Variants in ASRGL1 observed in about 807,000 individuals in gnomAD.
ASRGL1 encodes isoaspartyl peptidase/L-asparaginase.
In ASRGL1, 16 loss-of-function variants were observed where a neutral mutation model predicts 22.4. That is an observed-to-expected ratio of 0.71 (90% CI 0.48 to 1.08). ASRGL1 has a LOEUF of 1.08. ASRGL1 is among the 50% of genes least tolerant of loss of function. The pLI is 0.00. For synonymous variants in ASRGL1, 165 were observed against 159.3 expected (o/e 1.04, Z -0.27); for missense variants, 412 against 410.1 (o/e 1.00, Z -0.04).
intron 4 of ASRGL1, among the ~76,000 whole-genome samples, chr11:62,373,356 T>C (rs1157460989): frequency 6.6e-6 from 1 of 152,160 alleles, no homozygotes; most frequent in African/African-American, 2.4e-5. Flanking sequence ...TTTTTTTCTG[T>C]TTGCTTTCCA....
intron 2 of ASRGL1, among the ~76,000 whole-genome samples, chr11:62,349,409 T>TA: frequency 6.6e-6 from 1 of 152,206 alleles, no homozygotes; most frequent in Admixed American, 6.5e-5. Flanking sequence ...GATGGGGTGG[T>TA]ATGTTAGCTC....
At chr11:62,397,279 C>T (rs187078431), downstream of ASRGL1, among the ~76,000 whole-genome samples, 18 of 152,220 alleles carry the variant, frequency 1.2e-4, no homozygotes, top group East Asian at 1.9e-4. Context: ...CCTCCCACCT[C>T]GGCCTCCCAA....
At chr11:62,361,440 T>A (rs1010552991) in intron 4 of ASRGL1, among the ~76,000 whole-genome samples, 9 of 151,262 alleles carry the variant, frequency 5.9e-5, no homozygotes, top group Non-Finnish European at 1.5e-5. Flanking sequence ...CCCTCCTGCT[T>A]GGCCTTCCAA....
At position 62,392,238 on chromosome 11, in the gene ASRGL1, A is replaced by C; in HGVS notation, c.881A>C (p.His294Pro). The C allele has an allele frequency of 6.2e-7, 1 of 1,614,192 alleles. No homozygotes were observed. Among genetic ancestry groups the C allele is most frequent in the Non-Finnish European group, 8.5e-7 (1 of 1,180,044 alleles). The change falls in exon 7 of 7, where the codon CAC becomes CCC. Residue 294 changes from histidine to proline, a missense_variant. His to Pro is a moderately conservative substitution (Grantham distance 77, BLOSUM62 -2). Transcript: ENST00000415229. ...PWAAAKDGKL[H>P]FGIDPDDTTI... ...GCAGCCGCCAAGGACGGCAAGCTGC[A>C]CTTCGGAATTGATCCTGACGATACT...
At chr11:62,362,976 T>C (rs1946519377) in intron 4 of ASRGL1, among the ~76,000 whole-genome samples, 1 of 119,104 alleles carries the variant, frequency 8.4e-6, no homozygotes. Context: ...TGGAGTGCAG[T>C]AGCACAATCT....
chr11:62,381,203 G>A (rs1478880361), intron 4 of ASRGL1, among the ~76,000 whole-genome samples: 1 of 152,182 alleles, frequency 6.6e-6, no homozygotes. Context: ...CTGCATTTGA[G>A]GTTGTAATGT....
chr11:62,386,481 C>CATATCATACATATCATAGATATGTAT (rs1947212569), intron 4 of ASRGL1, among the ~76,000 whole-genome samples: 1 of 149,078 alleles, frequency 6.7e-6, no homozygotes, highest in Non-Finnish European at 1.5e-5. Flanking sequence ...TAGATATGTA[C>CATATCATACATATCATAGATATGTAT]ATATATATGT....
chr11:62,372,625 ACCACATGCTGGT>A (rs1406798844), intron 4 of ASRGL1: 17 of 895,044 alleles, frequency 1.9e-5, no homozygotes, highest in Non-Finnish European at 3.8e-6. Context: ...TGTGGCGCTA[ACCACATGCTGGT>A]CCTGGACTCC....
At chr11:62,372,272 C>T (rs1946793898) in intron 4 of ASRGL1, 2 of 1,599,624 alleles carry the variant, frequency 1.3e-6, no homozygotes, top group South Asian at 1.1e-5. Context: ...CGGAAACGGG[C>T]TCCGTGTTTG....
chr11:62,395,714 A>T (rs531370365), downstream of ASRGL1, among the ~76,000 whole-genome samples: 3 of 141,452 alleles, frequency 2.1e-5, no homozygotes, highest in Non-Finnish European at 3.0e-5. Flanking sequence ...ATCAGCCTTC[A>T]TCTTTGCACA....
At chr11:62,369,508 C>T (rs1565166425) in intron 4 of ASRGL1, among the ~76,000 whole-genome samples, 1 of 152,056 alleles carries the variant, frequency 6.6e-6, no homozygotes, top group Non-Finnish European at 1.5e-5. Flanking sequence ...TCTTGACGGT[C>T]GCTGTCTCTT....
rs1379110074 is a variant in ASRGL1 at position 62,392,199 on chromosome 11, C to T, written c.842C>T (p.Thr281Ile). 1 of 1,614,126 alleles carries T rather than the reference C, an allele frequency of 6.2e-7. No homozygotes were observed. The highest frequency in any genetic ancestry group is 8.5e-7 in the Non-Finnish European group (1 of 1,180,050). ...TGDWVAKWTS[T>I]SMPWAAAKDG... The stretch of plus-strand genomic sequence containing the variant: ...GACTGGGTGGCAAAGTGGACCTCCA[C>T]CTCCATGCCCTGGGCAGCCGCCAAG... Residue 281 changes from threonine to isoleucine, a missense_variant, in exon 7 of 7, where the codon ACC becomes ATC. Transcript: ENST00000415229.
intron 4 of ASRGL1, among the ~76,000 whole-genome samples, chr11:62,358,200 C>G (rs1237508081): frequency 6.6e-6 from 1 of 152,054 alleles, no homozygotes; most frequent in Non-Finnish European, 1.5e-5. Context: ...GAAACCCCGT[C>G]TCTACTAAAG....
At chr11:62,385,467 T>A in intron 4 of ASRGL1, among the ~76,000 whole-genome samples, 1 of 152,172 alleles carries the variant, frequency 6.6e-6, no homozygotes, top group African/African-American at 2.4e-5. Flanking sequence ...CCACTGTACC[T>A]GGCTCTTATG....
chr11:62,389,884 A>G (rs1947300563), intron 5 of ASRGL1: 2 of 160,686 alleles, frequency 1.2e-5, no homozygotes, highest in African/African-American at 2.4e-5. Context: ...AAATTGTTCC[A>G]TCTGCCCTAA....
rs369195252 is a variant in ASRGL1, at chr11:62,372,867, C to G, written c.491+15723C>G. The G allele has an allele frequency of 4.8e-4, 776 of 1,603,182 alleles. 1 individual carries two copies. In the East Asian group the frequency reaches 5.0e-3, roughly 10 times the overall value. ...CACCTCCCATGAATCTACCATGTAC[C>G]CAAAAGCAGTGCAGGACCTCTGCAG... is the stretch of plus-strand genomic sequence containing the variant. On this transcript the variant is annotated intron_variant, in intron 4 of 6. Coordinates refer to ENST00000415229, the MANE Select transcript of ASRGL1 (RefSeq NM_001083926.2).
intron 2 of ASRGL1, among the ~76,000 whole-genome samples, chr11:62,351,206 A>G (rs1291499324): frequency 6.6e-6 from 1 of 152,118 alleles, no homozygotes; most frequent in Non-Finnish European, 1.5e-5. Context: ...AAATATTTCC[A>G]CTATGTGCAT....
intron 2 of ASRGL1, among the ~76,000 whole-genome samples, chr11:62,353,636 C>A (rs796502657): frequency 9.2e-5 from 14 of 152,242 alleles, no homozygotes; most frequent in African/African-American, 3.4e-4. Context: ...AGCCACCATG[C>A]CTGGCCAATG....
downstream of ASRGL1, among the ~76,000 whole-genome samples, chr11:62,397,024 TA>T (rs374845247): frequency 4.6e-3 from 696 of 152,252 alleles, 9 homozygotes; most frequent in African/African-American, 0.016. Context: ...AGTTTGTTAT[TA>T]AACTTTTTTG....
Sources: allele counts gnomAD v4.1 joint callset (sites outside exome capture counted in the v4.1 genomes callset), GRCh38; gene constraint gnomAD v4.1.1; transcripts MANE v1.5; gene names NCBI Gene and HGNC (gene_info 2026-07-23, HGNC 2026-07-21).